The following SPTY2D1 variants were observed in gnomAD, a reference collection of about 807,000 sequenced individuals.
The protein encoded by SPTY2D1 is protein SPT2 homolog.
SPTY2D1 carries 21 observed loss-of-function variants against 64.0 expected under a neutral mutation model. The observed-to-expected ratio is 0.33, with a 90% CI of 0.23 to 0.47. SPTY2D1 has a LOEUF of 0.47. Ranked by LOEUF, SPTY2D1 falls within the 20% of genes least tolerant of loss-of-function variation. The pLI is 1.00. For missense variants in SPTY2D1, 724 were observed against 837.2 expected (o/e 0.86, Z 1.67); for synonymous variants, 287 against 286.8 (o/e 1.00, Z -0.01).
Position 18,606,885 on chromosome 11 carries a change from G to A in SPTY2D1, c.*2976C>T. The A allele has an allele frequency of 2.8e-6, 1 of 352,108 alleles. No homozygotes were observed. Among genetic ancestry groups the A allele is most frequent in the Non-Finnish European group, 5.3e-6 (1 of 188,644 alleles). The allele number at this position is 352,108 out of a possible 1,614,324, so 21.8% of individuals were successfully genotyped here. ...CCCACATTCTTTTTTTTTTGACATG[G>A]AGTCTCGCTCTGTCACCCAGCCTGG... On this transcript the variant is annotated 3_prime_UTR_variant, in exon 6 of 6. Transcript: ENST00000336349.
chr11:18,617,041 T>A, intron 1 of SPTY2D1, 52 bp from the exon 2 acceptor site: 1 of 1,481,684 alleles, frequency 6.7e-7, no homozygotes, highest in Non-Finnish European at 9.4e-7. Context: ...TAAAATACAT[T>A]ATTAGGTATA....
chr11:18,610,062 C>T, intron 5 of SPTY2D1, 108 bp from the exon 6 acceptor site: 1 of 894,268 alleles, frequency 1.1e-6, no homozygotes, highest in Non-Finnish European at 1.7e-6. Flanking sequence ...TGCTGATGCT[C>T]TCAAAATGCC....
chr11:18,612,483 G>A lies in SPTY2D1; in HGVS notation c.1717C>T (p.Gln573Ter). Residue 573 changes from glutamine (Q) to a stop codon, truncating the protein, a stop_gained, in exon 4 of 6, where the codon CAA becomes TAA. Coordinates refer to ENST00000336349, the MANE Select transcript of SPTY2D1 (RefSeq NM_194285.3). LOFTEE classifies it high-confidence loss of function. The surrounding 1 kb of genome is among the most constrained non-coding windows in gnomAD (Gnocchi z 4.6). ...LSGYRAAQGP[Q>*]RLPFPTGYKR... is the part of the protein sequence containing the mutation. ...TAACCAGTAGGGAAGGGAAGCCTTT[G>A]AGGACCTAAGAAACCATTATTTATA... 1 of 1,591,648 alleles carries A rather than the reference G, an allele frequency of 6.3e-7. No homozygotes were observed. Among genetic ancestry groups the A allele is most frequent in the Non-Finnish European group, 8.5e-7 (1 of 1,172,236 alleles).
intron 5 of SPTY2D1, 58 bp downstream of exon 5, chr11:18,611,419 T>C (rs1854204701): frequency 6.7e-7 from 1 of 1,488,186 alleles, no homozygotes; most frequent in Non-Finnish European, 9.3e-7. Flanking sequence ...ATTGTAGCAA[T>C]AAGCAGAAAG....
In SPTY2D1 at chr11:18,616,966, C is replaced by A; in HGVS notation, c.84G>T (p.Gly28=). The A allele has an allele frequency of 6.2e-7, 1 of 1,613,960 alleles. No homozygotes were observed. Among genetic ancestry groups the A allele is most frequent in the South Asian group, 1.1e-5 (1 of 91,078 alleles). ...NVPKRYSLAV[G]PPKKDPKVKG... ...TAACTTTTGGGTCTTTTTTTGGAGG[C>A]CCCACTGCCAAACTATACCTTTTCT... Residue 28 remains glycine, a synonymous_variant, in exon 2 of 6, where the codon GGG becomes GGT. Transcript: ENST00000336349.
At position 18,615,345 on chromosome 11, in the gene SPTY2D1, T is replaced by C. The variant is rs771683969; in HGVS notation, c.929A>G (p.Asn310Ser). 1.2e-6 allele frequency: 2 copies of C among 1,614,184 alleles called. No homozygotes were observed. Among genetic ancestry groups the C allele is most frequent in the Non-Finnish European group, 1.7e-6 (2 of 1,180,026 alleles). The part of the protein sequence containing the change: ...LREGHDKPVF[N>S]GAGKPHSSTS... ...GCTGGAATGAGGCTTTCCAGCTCCA[T>C]TAAAAACAGGTTTGTCGTGGCCCTC... is the stretch of plus-strand genomic sequence containing the variant. Residue 310 changes from asparagine to serine, a missense_variant, in exon 3 of 6, where the codon AAT (asparagine) becomes AGT (serine). Around this residue, in one of 3 missense-constraint regions of SPTY2D1, gnomAD observed 426 missense variants for 431.8 expected, o/e 0.99. Transcript: ENST00000336349.
intron 1 of SPTY2D1, among the ~76,000 whole-genome samples, chr11:18,630,521 T>G (rs1472569333): frequency 1.3e-5 from 2 of 152,166 alleles, no homozygotes; most frequent in Non-Finnish European, 2.9e-5. Flanking sequence ...CTGAAGTGGC[T>G]GTACAGGTGT....
intron 3 of SPTY2D1, among the ~76,000 whole-genome samples, chr11:18,614,167 T>C (rs1055179496): frequency 6.6e-6 from 1 of 152,146 alleles, no homozygotes; most frequent in Non-Finnish European, 1.5e-5. Flanking sequence ...CTCATGACTA[T>C]AATCCCAGTA....
At chr11:18,628,639 T>C (rs1854536669) in intron 1 of SPTY2D1, among the ~76,000 whole-genome samples, 1 of 152,232 alleles carries the variant, frequency 6.6e-6, no homozygotes, top group Admixed American at 6.5e-5. Flanking sequence ...GTCTGCTTTG[T>C]GGAGTCTGCG....
At chr11:18,616,202 G>T in intron 2 of SPTY2D1, 104 bp from the exon 3 acceptor site, 1 of 1,024,730 alleles carries the variant, frequency 9.8e-7, no homozygotes, top group Non-Finnish European at 1.4e-6. Flanking sequence ...AGACATCTAG[G>T]AATCAAATGA....
intron 5 of SPTY2D1, 117 bp downstream of exon 5, chr11:18,611,360 A>G (rs1038604499): frequency 2.2e-6 from 2 of 893,296 alleles, no homozygotes; most frequent in African/African-American, 1.7e-5. Context: ...AGTAAACAGG[A>G]TTGGAATCCA....
At chr11:18,626,086 G>A (rs988015181) in intron 1 of SPTY2D1, among the ~76,000 whole-genome samples, 3 of 152,104 alleles carry the variant, frequency 2.0e-5, no homozygotes, top group African/African-American at 7.2e-5. Context: ...CCAAAGAGCT[G>A]GGATTACAGG....
At chr11:18,630,035 G>C (rs1289120439) in intron 1 of SPTY2D1, among the ~76,000 whole-genome samples, 1 of 151,638 alleles carries the variant, frequency 6.6e-6, no homozygotes, top group African/African-American at 2.4e-5. Context: ...TGGGCGTGGT[G>C]GTGGGTGCCT....
Position 18,615,928 on chromosome 11 carries a change from T to A in SPTY2D1, c.346A>T (p.Ser116Cys). 1 of 1,614,184 alleles carries A rather than the reference T, an allele frequency of 6.2e-7. No homozygotes were observed. The highest frequency in any genetic ancestry group is 8.5e-7 in the Non-Finnish European group (1 of 1,180,020). ...KKRQATESHT[S>C]QGTDREYEME... ...TCATACTCTCGGTCGGTTCCTTGGCTGGTATGGCTTTCTGTTGCCTGCCTC... is the reference window on the plus strand; with the variant it reads ...TCATACTCTCGGTCGGTTCCTTGGCAGGTATGGCTTTCTGTTGCCTGCCTC... The change falls in exon 3 of 6, where the codon AGC becomes TGC. Residue 116 changes from serine to cysteine, a missense_variant. Around this residue, in one of 3 missense-constraint regions of SPTY2D1, gnomAD observed 179 missense variants for 232.5 expected, o/e 0.77. Transcript: ENST00000336349.
chr11:18,614,341 G>C (rs1274411394), intron 3 of SPTY2D1, among the ~76,000 whole-genome samples: 2 of 152,182 alleles, frequency 1.3e-5, no homozygotes, highest in Non-Finnish European at 2.9e-5. Context: ...AGAACTGCTT[G>C]AGCCTGTGAT....
intron 3 of SPTY2D1, among the ~76,000 whole-genome samples, chr11:18,614,021 C>G (rs994502405): frequency 3.2e-4 from 48 of 152,100 alleles, no homozygotes; most frequent in Non-Finnish European, 1.0e-4. Flanking sequence ...GTACATTCAC[C>G]CTGAATGTTC....
Position 18,608,959 on chromosome 11 carries a change from G to A in SPTY2D1, c.*902C>T, listed in dbSNP as rs1854149870. On this transcript the variant is annotated 3_prime_UTR_variant, in exon 6 of 6. Coordinates refer to ENST00000336349, the MANE Select transcript of SPTY2D1 (RefSeq NM_194285.3). ...GTCAAGAGGTATGAGGGCACCTTGGGATTTCAAAATATCTTTATGATGGGG... is the reference window on the plus strand; with the variant it reads ...GTCAAGAGGTATGAGGGCACCTTGGAATTTCAAAATATCTTTATGATGGGG... The A allele has an allele frequency of 6.7e-6, 1 of 149,644 alleles. No individual in the cohort carries two copies. Among genetic ancestry groups the A allele is most frequent in the Non-Finnish European group, 1.5e-5 (1 of 66,206 alleles). The allele number at this position is 149,644 out of a possible 1,614,324, so 9.3% of individuals were successfully genotyped here.
intron 3 of SPTY2D1, among the ~76,000 whole-genome samples, chr11:18,614,011 G>A (rs899206094): frequency 1.3e-5 from 2 of 152,122 alleles, no homozygotes; most frequent in East Asian, 1.9e-4. Flanking sequence ...TGTAAGTCAC[G>A]TACATTCACC....
intron 1 of SPTY2D1, among the ~76,000 whole-genome samples, chr11:18,620,743 C>G (rs1027527641): frequency 3.3e-5 from 5 of 151,590 alleles, no homozygotes; most frequent in Admixed American, 6.6e-5. Flanking sequence ...AAAACTTAGC[C>G]AAGCGTGGTG....
Sources: allele counts gnomAD v4.1 joint callset (sites outside exome capture counted in the v4.1 genomes callset), GRCh38; gene constraint gnomAD v4.1.1; regional missense constraint gnomAD v4.1.1; non-coding constraint Gnocchi (gnomAD v3.1); transcripts MANE v1.5; gene names NCBI Gene and HGNC (gene_info 2026-07-23, HGNC 2026-07-21).